Variants in CADM2 observed in about 807,000 individuals in gnomAD.
CADM2 encodes cell adhesion molecule 2, also known as immunoglobulin superfamily member 4D.
Under a neutral mutation model 49.8 loss-of-function variants are expected in CADM2, and 12 were observed. The ratio of observed to expected loss-of-function variants is 0.24; its 90% confidence interval spans 0.15 to 0.39. The LOEUF (loss-of-function observed/expected upper bound fraction) is 0.39, where lower values mean the gene tolerates loss of function less well. CADM2 is among the 10% of genes least tolerant of loss of function. The pLI, the probability that CADM2 is intolerant of heterozygous loss-of-function variation, is 1.00. For synonymous variants in CADM2, 214 were observed against 175.4 expected, an observed-to-expected ratio of 1.22 and a Z score of -1.74; for missense variants, 378 against 492.3, an observed-to-expected ratio of 0.77 and a Z score of 2.20.
chr3:85,618,267 TC>T (rs2063856568), intron 1 of CADM2, among the ~76,000 whole-genome samples: 1 of 152,032 alleles, frequency 6.6e-6, no homozygotes, highest in African/African-American at 2.4e-5. Context: ...GTACCTTTTT[TC>T]CCCAATAAAA....
chr3:85,985,545 G>A lies in CADM2; in HGVS notation c.970+23898G>A, dbSNP rs546503093. Among the ~76,000 whole-genome samples the A allele has an allele frequency of 2.6e-5, 4 of 151,804 alleles. No homozygotes were observed. In the East Asian group the frequency reaches 7.7e-4, roughly 29 times the overall value. Reference sequence around the variant, plus strand: ...TTCTCGAAGAATAGAATGATTTTTAGTATACGTCTGGAATGACTATAAAAC... The same window carrying A: ...TTCTCGAAGAATAGAATGATTTTTAATATACGTCTGGAATGACTATAAAAC... On this transcript the variant is annotated intron_variant, in intron 8 of 9. Coordinates refer to ENST00000383699, the MANE Select transcript of CADM2 (RefSeq NM_001167675.2).
At chr3:85,814,568 A>G (rs2073090905) in intron 3 of CADM2, among the ~76,000 whole-genome samples, 1 of 152,122 alleles carries the variant, frequency 6.6e-6, no homozygotes, top group Non-Finnish European at 1.5e-5. Flanking sequence ...TCAAAAAATC[A>G]ATGAATCCAG....
At chr3:84,975,248 CA>C (rs1178140851) in intron 1 of CADM2, among the ~76,000 whole-genome samples, 6 of 151,748 alleles carry the variant, frequency 4.0e-5, no homozygotes, top group African/African-American at 1.4e-4. Context: ...AACAAACAAA[CA>C]AAGTTATTTC....
In CADM2 at chr3:86,070,695, T is replaced by C. The variant is rs1310134679; in HGVS notation, c.*3912T>C. On this transcript the variant is annotated 3_prime_UTR_variant, in exon 10 of 10. Transcript: ENST00000383699. ...ACACCTAATGAGAATTACTGTTGAG[T>C]AATGCTTTTTATTAAGTGGCACAAA... 6.6e-6 allele frequency: 1 copy of C among 151,358 alleles called. No homozygotes were observed. The highest frequency in any genetic ancestry group is 2.4e-5 in the African/African-American group (1 of 41,256). 9.4% of individuals were successfully genotyped at this position (151,358 alleles called of 1,614,324 possible). A position where few individuals can be genotyped will look rare whatever the true frequency, so the allele number is the denominator to read the frequency against.
chr3:85,139,031 C>T (rs1236510593), intron 1 of CADM2, among the ~76,000 whole-genome samples: 1 of 152,164 alleles, frequency 6.6e-6, no homozygotes, highest in Non-Finnish European at 1.5e-5. Context: ...AAAAGTGCCA[C>T]ATCTGCTACT....
Position 86,067,007 on chromosome 3 carries a change from A to G in CADM2, c.*224A>G. On this transcript the variant is annotated 3_prime_UTR_variant, in exon 10 of 10. Coordinates refer to ENST00000383699, the MANE Select transcript of CADM2 (RefSeq NM_001167675.2). ...ACATTTCTTACTGCCTAAATTTCAC[A>G]CCATTGCTCTTTTAACATACAGTGC... 1 of 517,408 alleles carries G rather than the reference A, an allele frequency of 1.9e-6. No individual in the cohort carries two copies. The highest frequency in any genetic ancestry group is 3.5e-6 in the Non-Finnish European group (1 of 288,872). The allele number at this position is 517,408 out of a possible 1,614,324, so 32.1% of individuals were successfully genotyped here.
intron 8 of CADM2, among the ~76,000 whole-genome samples, chr3:85,986,826 G>T (rs1430740010): frequency 2.6e-5 from 4 of 152,000 alleles, no homozygotes; most frequent in African/African-American, 9.7e-5. Context: ...GTATCACATC[G>T]TACATGCTTT....
chr3:85,396,044 T>C (rs747872281), intron 1 of CADM2, among the ~76,000 whole-genome samples: 2 of 150,352 alleles, frequency 1.3e-5, no homozygotes, highest in Non-Finnish European at 3.0e-5. Flanking sequence ...ATTATCATAA[T>C]GATAATTTAT....
chr3:85,926,569 G>A (rs1454384721), intron 6 of CADM2, among the ~76,000 whole-genome samples: 1 of 152,050 alleles, frequency 6.6e-6, no homozygotes, highest in African/African-American at 2.4e-5. Flanking sequence ...ATAATATTGC[G>A]ATAAGGCAAA....
chr3:85,319,292 T>C (rs1208407531), intron 1 of CADM2, among the ~76,000 whole-genome samples: 2 of 152,154 alleles, frequency 1.3e-5, no homozygotes, highest in Non-Finnish European at 2.9e-5. Context: ...AGTCAAAAAG[T>C]AACAGATGCT....
At chr3:85,025,085 A>G (rs143601160) in intron 1 of CADM2, among the ~76,000 whole-genome samples, 1,532 of 152,230 alleles carry the variant, frequency 0.01, 37 homozygotes, top group African/African-American at 0.035. Context: ...GATGAGACTG[A>G]AAAATATAAT....
chr3:85,385,201 C>G (rs531778151), intron 1 of CADM2, among the ~76,000 whole-genome samples: 2 of 152,292 alleles, frequency 1.3e-5, no homozygotes, highest in South Asian at 4.1e-4. Context: ...TCCCAAAGTT[C>G]TGGGATTACA....
intron 1 of CADM2, chr3:85,511,786 T>A (rs1037395611): frequency 5.2e-5 from 32 of 618,100 alleles, no homozygotes; most frequent in Non-Finnish European, 6.3e-5. Flanking sequence ...CATCTCTCAT[T>A]TTGTCCACTG....
chr3:85,805,474 G>C (rs1316315800), intron 3 of CADM2: 3 of 152,080 alleles, frequency 2.0e-5, no homozygotes, highest in Non-Finnish European at 4.4e-5. Context: ...ATATGTCAGT[G>C]CTTCAATTTC....
At position 85,726,543 on chromosome 3, in the gene CADM2, T is replaced by G. The variant is rs1171605389; in HGVS notation, c.83T>G (p.Val28Gly). The change falls in exon 2 of 10, where the codon GTT becomes GGT. Residue 28 changes from valine to glycine, a missense_variant. Physicochemically the swap from Val to Gly is moderately radical, Grantham distance 109. Coordinates refer to ENST00000383699, the MANE Select transcript of CADM2 (RefSeq NM_001167675.2). ...LLQAAASKNK[V>G]KGSQGQFPLT... Reference sequence around the variant, plus strand: ...CCAGCGGCTGCTTCAAAGAATAAAGTTAAAGGTGAGCTCCTGTTTATTCTG... The same window carrying G: ...CCAGCGGCTGCTTCAAAGAATAAAGGTAAAGGTGAGCTCCTGTTTATTCTG... The G allele has an allele frequency of 1.2e-6, 2 of 1,611,684 alleles. No homozygotes were observed. Among genetic ancestry groups the G allele is most frequent in the South Asian group, 2.2e-5 (2 of 91,008 alleles).
intron 1 of CADM2, among the ~76,000 whole-genome samples, chr3:85,054,839 C>A (rs1367756045): frequency 5.9e-5 from 9 of 151,832 alleles, no homozygotes; most frequent in Non-Finnish European, 1.2e-4. Flanking sequence ...AATTGCTTCT[C>A]TTTTTGATGC....
At chr3:85,395,623 A>T (rs184250741) in intron 1 of CADM2, among the ~76,000 whole-genome samples, 28 of 152,220 alleles carry the variant, frequency 1.8e-4, no homozygotes, top group Non-Finnish European at 3.7e-4. Flanking sequence ...AAACATGGGA[A>T]TATATAAACT....
At chr3:85,040,723 A>G (rs1340856949) in intron 1 of CADM2, among the ~76,000 whole-genome samples, 1 of 152,180 alleles carries the variant, frequency 6.6e-6, no homozygotes, top group Non-Finnish European at 1.5e-5. Flanking sequence ...ATTTCATAAT[A>G]ATGCATATTT....
intron 1 of CADM2, among the ~76,000 whole-genome samples, chr3:84,988,351 C>G (rs1190966282): frequency 6.6e-6 from 1 of 152,250 alleles, no homozygotes; most frequent in Non-Finnish European, 1.5e-5. Flanking sequence ...AGGCCAAGTT[C>G]TAGCCAGTGC....
Sources: gnomAD v4.1 joint callset for allele counts (sites outside exome capture counted in the v4.1 genomes callset) on GRCh38, gnomAD v4.1.1 for gene constraint, MANE v1.5 for transcripts, NCBI Gene and HGNC (gene_info 2026-07-23, HGNC 2026-07-21) for gene names.